CADM2: variants seen among roughly 807,000 people sequenced by gnomAD.
The protein encoded by CADM2 is cell adhesion molecule 2, also known as immunoglobulin superfamily member 4D.
A neutral mutation model predicts 49.8 loss-of-function variants in CADM2; 12 were observed. The ratio of observed to expected loss-of-function variants is 0.24; its 90% confidence interval spans 0.15 to 0.39. CADM2 has a LOEUF of 0.39. CADM2 is among the 10% of genes least tolerant of loss of function. The probability of loss-of-function intolerance (pLI) is 1.00; values close to 1 mark genes in which losing one functional copy is unlikely to be tolerated. For synonymous variants in CADM2, 214 were observed against 175.4 expected (o/e 1.22, Z -1.74); for missense variants, 378 against 492.3 (o/e 0.77, Z 2.20).
chr3:85,204,267 C>T (rs555380567), intron 1 of CADM2, among the ~76,000 whole-genome samples: 1 of 151,788 alleles, frequency 6.6e-6, no homozygotes, highest in Non-Finnish European at 1.5e-5. Flanking sequence ...TTTTAGTAAC[C>T]TATTTTGATT....
chr3:85,161,387 G>A (rs1392558477), intron 1 of CADM2, among the ~76,000 whole-genome samples: 1 of 152,072 alleles, frequency 6.6e-6, no homozygotes, highest in African/African-American at 2.4e-5. Flanking sequence ...GTATGCCAGA[G>A]GTACGCCCTG....
chr3:85,653,382 A>G (rs1309225208), intron 1 of CADM2, among the ~76,000 whole-genome samples: 1 of 148,924 alleles, frequency 6.7e-6, no homozygotes, highest in Non-Finnish European at 1.5e-5. Flanking sequence ...AAAATATGGA[A>G]CACTTCTAGG....
intron 1 of CADM2, among the ~76,000 whole-genome samples, chr3:85,059,326 A>T (rs1303650873): frequency 6.6e-6 from 1 of 152,026 alleles, no homozygotes; most frequent in Non-Finnish European, 1.5e-5. Context: ...AATAAAAAAA[A>T]AAACAACTAT....
intron 1 of CADM2, among the ~76,000 whole-genome samples, chr3:85,071,897 A>G (rs1360684913): frequency 6.6e-6 from 1 of 151,642 alleles, no homozygotes; most frequent in Non-Finnish European, 1.5e-5. Flanking sequence ...CAACAAGGTC[A>G]TTCTGGTTGT....
chr3:85,430,305 A>G (rs1253174579), intron 1 of CADM2, among the ~76,000 whole-genome samples: 1 of 152,088 alleles, frequency 6.6e-6, no homozygotes, highest in African/African-American at 2.4e-5. Flanking sequence ...ATAAATTATG[A>G]TCATGTTTCC....
chr3:85,152,591 C>T (rs933408039), intron 1 of CADM2, among the ~76,000 whole-genome samples: 14 of 152,064 alleles, frequency 9.2e-5, no homozygotes, highest in African/African-American at 2.9e-4. Flanking sequence ...TCTTTAATAT[C>T]GCAGTTTTTC....
chr3:85,490,666 C>T (rs11127896), intron 1 of CADM2, among the ~76,000 whole-genome samples: 77,810 of 151,464 alleles, frequency 0.51, 22,902 homozygotes, highest in East Asian at 0.85. Context: ...GTCTTCTTAA[C>T]AAAAGTTGGC....
intron 1 of CADM2, among the ~76,000 whole-genome samples, chr3:85,230,545 A>AT (rs1431931135): frequency 1.3e-5 from 2 of 152,220 alleles, no homozygotes; most frequent in Non-Finnish European, 2.9e-5. Flanking sequence ...TTAGGTCATT[A>AT]TCCAGTTGTG....
rs144479438 is a variant in CADM2, at chr3:86,070,665, A to G, written c.*3882A>G. ...AAAAGCAGTAATCACAGCCAAATAA[A>G]TGAAACACCTAATGAGAATTACTGT... On this transcript the variant is annotated 3_prime_UTR_variant, in exon 10 of 10. Transcript: ENST00000383699. 14 of 152,012 alleles carry G rather than the reference A, an allele frequency of 9.2e-5. No individual in the cohort carries two copies. In the East Asian group the frequency reaches 2.5e-3, roughly 27 times the overall value. 9.4% of individuals were successfully genotyped at this position (152,012 alleles called of 1,614,324 possible).
In CADM2 at chr3:86,012,786, C is replaced by G. The variant is rs142590374; in HGVS notation, c.970+51139C>G. 95 of 598,330 alleles carry G rather than the reference C, an allele frequency of 1.6e-4. 1 individual carries two copies. The highest frequency in any genetic ancestry group is 1.6e-3 in the African/African-American group (84 of 53,226). The allele number at this position is 598,330 out of a possible 1,614,324, so 37.1% of individuals were successfully genotyped here. A position where few individuals can be genotyped will look rare whatever the true frequency, so the allele number is the denominator to read the frequency against. On this transcript the variant is annotated intron_variant, in intron 8 of 9. Transcript: ENST00000383699. Reference sequence around the variant, plus strand: ...GGTCAGCAGATCGAGACCATCCTGGCTAACACGGTGAAACCCCGTCTCTAC... The same window carrying G: ...GGTCAGCAGATCGAGACCATCCTGGGTAACACGGTGAAACCCCGTCTCTAC...
At chr3:85,989,647 A>C (rs1358487820) in intron 8 of CADM2, among the ~76,000 whole-genome samples, 2 of 152,154 alleles carry the variant, frequency 1.3e-5, no homozygotes, top group African/African-American at 4.8e-5. Context: ...TTCTTTACTC[A>C]GAGCAGTTAC....
intron 1 of CADM2, among the ~76,000 whole-genome samples, chr3:85,327,920 T>C (rs1024224036): frequency 3.3e-5 from 5 of 152,160 alleles, no homozygotes; most frequent in South Asian, 2.1e-4. Flanking sequence ...CCTCATACTA[T>C]CAATTTACTT....
intron 1 of CADM2, among the ~76,000 whole-genome samples, chr3:85,529,923 T>C (rs1322925048): frequency 1.3e-5 from 2 of 152,130 alleles, no homozygotes; most frequent in Non-Finnish European, 2.9e-5. Context: ...CAACTTACTT[T>C]TTTCCTTCAT....
intron 1 of CADM2, among the ~76,000 whole-genome samples, chr3:85,517,582 A>G (rs1268682636): frequency 6.6e-6 from 1 of 152,172 alleles, no homozygotes; most frequent in Admixed American, 6.5e-5. Context: ...GATGACAGCC[A>G]TGACTATGCT....
chr3:85,916,060 T>G (rs902424200), intron 6 of CADM2, among the ~76,000 whole-genome samples: 3 of 152,156 alleles, frequency 2.0e-5, no homozygotes, highest in Non-Finnish European at 4.4e-5. Flanking sequence ...TCTGTAACCT[T>G]GTGATATACA....
chr3:86,064,452 TCATTGTTGGA>T (rs1739071908), intron 8 of CADM2, among the ~76,000 whole-genome samples: 1 of 152,218 alleles, frequency 6.6e-6, no homozygotes, highest in Non-Finnish European at 1.5e-5. Flanking sequence ...ATCCAGTCTA[TCATTGTTGGA>T]CATTTGGGTT....
chr3:85,090,149 T>C (rs755138441), intron 1 of CADM2, among the ~76,000 whole-genome samples: 4 of 152,168 alleles, frequency 2.6e-5, no homozygotes, highest in Non-Finnish European at 5.9e-5. Context: ...TATATAAAAG[T>C]TGTAATTTAC....
Position 85,764,450 on chromosome 3 carries a change from TCTGGTAAAAAGCTAGA to T in CADM2, c.89-37592_89-37577del, listed in dbSNP as rs1355667131. ...GTATAAGAAACAAATGCATAAAGAA[TCTGGTAAAAAGCTAGA>T]CTGGAGGAAACAGAATACTCGTATA... On this transcript the variant is annotated intron_variant, in intron 2 of 9. Coordinates refer to ENST00000383699, the MANE Select transcript of CADM2 (RefSeq NM_001167675.2). Among the ~76,000 whole-genome samples, 3 of 151,966 alleles carry T rather than the reference TCTGGTAAAAAGCTAGA, an allele frequency of 2.0e-5. No individual in the cohort carries two copies. The East Asian group carries it at 5.8e-4, about 29-fold the overall frequency.
In CADM2 at chr3:85,203,248, C is replaced by T. The variant is rs528707353; in HGVS notation, c.61+243580C>T. ...ACATGCCTCCTTCACTTAGCTGAAT[C>T]ATTTCCAGCTTTCCATTTAAAGTGA... On this transcript the variant is annotated intron_variant, in intron 1 of 9. Coordinates refer to ENST00000383699, the MANE Select transcript of CADM2 (RefSeq NM_001167675.2). Among the ~76,000 whole-genome samples, 13 of 152,302 alleles carry T rather than the reference C, an allele frequency of 8.5e-5. No homozygotes were observed. In the South Asian group the frequency reaches 2.7e-3, roughly 32 times the overall value.
Sources: gnomAD v4.1 joint callset for allele counts (sites outside exome capture counted in the v4.1 genomes callset) on GRCh38, gnomAD v4.1.1 for gene constraint, MANE v1.5 for transcripts, NCBI Gene and HGNC (gene_info 2026-07-23, HGNC 2026-07-21) for gene names.